DNAJC8: variants seen among roughly 807,000 people sequenced by gnomAD.
DNAJC8 encodes the protein dnaJ homolog subfamily C member 8.
A neutral mutation model predicts 43.2 loss-of-function variants in DNAJC8; 24 were observed. The observed-to-expected ratio is 0.56, with a 90% confidence interval of 0.40 to 0.78. The LOEUF is 0.78. Ranked by LOEUF, DNAJC8 falls within the 30% of genes least tolerant of loss-of-function variation. The pLI, the probability that DNAJC8 is intolerant of heterozygous loss-of-function variation, is 0.00. For synonymous variants in DNAJC8, 83 were observed against 98.0 expected (o/e 0.85, Z 0.90); for missense variants, 207 against 299.4 (o/e 0.69, Z 2.28).
At chr1:28,220,312 C>G (rs886713802) in intron 2 of DNAJC8, among the ~76,000 whole-genome samples, 1 of 152,190 alleles carries the variant, frequency 6.6e-6, no homozygotes, top group African/African-American at 2.4e-5. Flanking sequence ...TACCTGCGGC[C>G]GGTCCTCTTT....
chr1:28,215,606 C>T (rs188271850), intron 2 of DNAJC8, among the ~76,000 whole-genome samples: 2,905 of 147,834 alleles, frequency 0.02, 95 homozygotes, highest in African/African-American at 0.067. Context: ...GGCGAGATCT[C>T]GGCTCACTGC....
chr1:28,224,603 C>T (rs1011203541), intron 2 of DNAJC8, among the ~76,000 whole-genome samples: 8 of 151,982 alleles, frequency 5.3e-5, no homozygotes, highest in Non-Finnish European at 1.5e-5. Context: ...AACAAACACG[C>T]CAGGTGTGGT....
chr1:28,216,114 C>T (rs1646852389), intron 2 of DNAJC8, among the ~76,000 whole-genome samples: 1 of 151,982 alleles, frequency 6.6e-6, no homozygotes, highest in African/African-American at 2.4e-5. Flanking sequence ...TTTGGGAGGC[C>T]AAGGCAGGGA....
At chr1:28,210,506 A>T in intron 4 of DNAJC8, 65 bp downstream of exon 4, 1 of 1,424,138 alleles carries the variant, frequency 7.0e-7, no homozygotes, top group Non-Finnish European at 9.9e-7. Context: ...TTGATCTAGG[A>T]CAAGGAACAG....
At chr1:28,226,478 G>A (rs1345020804) in intron 2 of DNAJC8, among the ~76,000 whole-genome samples, 2 of 151,082 alleles carry the variant, frequency 1.3e-5, no homozygotes, top group African/African-American at 4.9e-5. Context: ...ACTCCAGCCT[G>A]GGCGACAGAG....
chr1:28,205,150 C>A, intron 7 of DNAJC8, 108 bp downstream of exon 7: 1 of 789,646 alleles, frequency 1.3e-6, no homozygotes, highest in South Asian at 1.9e-5. Context: ...TTTTTATAGT[C>A]TCTTAAATGG....
At chr1:28,216,461 T>C (rs937828218) in intron 2 of DNAJC8, among the ~76,000 whole-genome samples, 10 of 152,126 alleles carry the variant, frequency 6.6e-5, no homozygotes, top group Admixed American at 4.6e-4. Context: ...GAACAGAAAC[T>C]GTCCCACCCT....
intron 8 of DNAJC8, among the ~76,000 whole-genome samples, chr1:28,202,137 G>T (rs377262554): frequency 1.2e-4 from 18 of 152,292 alleles, no homozygotes; most frequent in South Asian, 4.1e-4. Flanking sequence ...AAGGGCCCAA[G>T]AAAGTGTCAT....
chr1:28,209,153 C>A (rs891746398), intron 5 of DNAJC8, among the ~76,000 whole-genome samples: 1 of 152,206 alleles, frequency 6.6e-6, no homozygotes, highest in Non-Finnish European at 1.5e-5. Flanking sequence ...CCTATTTCTA[C>A]CAGGATAGGG....
chr1:28,229,101 T>A (rs1646956985), intron 1 of DNAJC8, 78 bp from the exon 2 acceptor site: 2 of 1,194,446 alleles, frequency 1.7e-6, no homozygotes, highest in East Asian at 4.9e-5. Context: ...TGTTCACTGA[T>A]ATGTTCAACA....
intron 3 of DNAJC8, among the ~76,000 whole-genome samples, chr1:28,213,301 C>T (rs1023110721): frequency 2.6e-5 from 4 of 151,002 alleles, no homozygotes; most frequent in Admixed American, 6.6e-5. Flanking sequence ...AACTTAAATG[C>T]TTATTAATAT....
chr1:28,207,431 T>C (rs796239086), intron 6 of DNAJC8, among the ~76,000 whole-genome samples: 2 of 150,444 alleles, frequency 1.3e-5, no homozygotes, highest in East Asian at 2.0e-4. Context: ...AAATAAAATG[T>C]TTGTTGTTGT....
At chr1:28,223,835 T>A (rs535446698) in intron 2 of DNAJC8, among the ~76,000 whole-genome samples, 1 of 152,248 alleles carries the variant, frequency 6.6e-6, no homozygotes, top group Non-Finnish European at 1.5e-5. Context: ...TAAACATATA[T>A]GTACACACAC....
At chr1:28,229,511 C>T (rs961331879) in intron 1 of DNAJC8, among the ~76,000 whole-genome samples, 2 of 151,994 alleles carry the variant, frequency 1.3e-5, no homozygotes, top group African/African-American at 2.4e-5. Flanking sequence ...CAGTGGCTCA[C>T]GCCTGTAATC....
rs1352816610 is a variant in DNAJC8, at chr1:28,215,575, T to G, written c.181-579A>C. Among the ~76,000 whole-genome samples, 5 of 152,138 alleles carry G rather than the reference T, an allele frequency of 3.3e-5. No individual in the cohort carries two copies. The East Asian group carries it at 9.7e-4, about 29-fold the overall frequency. ...TTTTTGAGATGGAGTCTCGCTCTTA[T>G]TGCCCAGGCTGGAGTGCAATGGCGA... is the stretch of plus-strand genomic sequence containing the variant. On this transcript the variant is annotated intron_variant, in intron 2 of 8. Coordinates refer to ENST00000263697, the MANE Select transcript of DNAJC8 (RefSeq NM_014280.3).
In DNAJC8 at chr1:28,217,707, G is replaced by A. The variant is rs145894782; in HGVS notation, c.181-2711C>T. Among the ~76,000 whole-genome samples the A allele has an allele frequency of 2.2e-4, 34 of 152,050 alleles. 1 individual carries two copies. In the Middle Eastern group the frequency reaches 0.01, roughly 46 times the overall value. On this transcript the variant is annotated intron_variant, in intron 2 of 8. Transcript: ENST00000263697. Reference sequence around the variant, plus strand: ...CAAAGTCCAACAAAACCCAGAGGACGTCCAAATAAATGAGAAAGAACAGAA... The same window carrying A: ...CAAAGTCCAACAAAACCCAGAGGACATCCAAATAAATGAGAAAGAACAGAA...
chr1:28,208,533 T>A (rs1646786567), intron 5 of DNAJC8, 120 bp from the exon 6 acceptor site: 2 of 380,964 alleles, frequency 5.2e-6, no homozygotes, highest in Admixed American at 5.0e-5. Flanking sequence ...AAGTTTTCAT[T>A]AAAAAAAAAA....
chr1:28,218,569 G>A (rs1455655462), intron 2 of DNAJC8, among the ~76,000 whole-genome samples: 1 of 151,904 alleles, frequency 6.6e-6, no homozygotes, highest in Non-Finnish European at 1.5e-5. Context: ...AGTGCGTGGA[G>A]CACACAACCA....
Position 28,232,793 on chromosome 1 carries a change from G to A in DNAJC8, c.78+128C>T, listed in dbSNP as rs926120639. 1.0e-5 allele frequency: 10 copies of A among 959,814 alleles called. No individual in the cohort carries two copies. The African/African-American group carries it at 1.3e-4, about 12-fold the overall frequency. The allele number at this position is 959,814 out of a possible 1,614,324, so 59.5% of individuals were successfully genotyped here. ...GACGCTCACACACCCCCAGACCCCC[G>A]CCACCCCGAAGACTGGACTGAAGGA... On this transcript the variant is annotated intron_variant, in intron 1 of 8. Transcript: ENST00000263697.
Sources: gnomAD v4.1 joint callset for allele counts (sites outside exome capture counted in the v4.1 genomes callset) on GRCh38, gnomAD v4.1.1 for gene constraint, MANE v1.5 for transcripts, NCBI Gene and HGNC (gene_info 2026-07-23, HGNC 2026-07-21) for gene names.